Variants in ZNF28 observed in about 807,000 individuals in gnomAD.
The protein encoded by ZNF28 is zinc finger protein KOX24.
A neutral mutation model predicts 7.2 loss-of-function variants in ZNF28; 5 were observed. That is an observed-to-expected ratio of 0.70 (90% CI 0.36 to 1.46). ZNF28 has a LOEUF of 1.46. Ranked by LOEUF, ZNF28 falls within the 40% of genes most tolerant of loss-of-function variation. The pLI, the probability that ZNF28 is intolerant of heterozygous loss-of-function variation, is 0.03. For synonymous variants in ZNF28, 288 were observed against 292.4 expected (o/e 0.99, Z 0.15); for missense variants, 879 against 866.6 (o/e 1.01, Z -0.18).
Position 52,810,602 on chromosome 19 carries a change from A to G in ZNF28, c.16-2469T>C. On this transcript the variant is annotated intron_variant, in intron 2 of 3. Coordinates refer to ENST00000457749, the MANE Select transcript of ZNF28 (RefSeq NM_006969.5). ...AGCCCGCTACCGCGCCCGACCACCAACTACAGCAGTTCCTGCTCTCCATTC... is the reference window on the plus strand; with the variant it reads ...AGCCCGCTACCGCGCCCGACCACCAGCTACAGCAGTTCCTGCTCTCCATTC... 4 of 1,524,316 alleles carry G rather than the reference A, an allele frequency of 2.6e-6. No homozygotes were observed. The Admixed American group carries it at 5.0e-5, about 19-fold the overall frequency. 94.4% of individuals were successfully genotyped at this position (1,524,316 alleles called of 1,614,324 possible). A position where few individuals can be genotyped will look rare whatever the true frequency, so the allele number is the denominator to read the frequency against.
In ZNF28 at chr19:52,800,517, TCATTA is replaced by T. The variant is rs2062851641; in HGVS notation, c.1323_1327del (p.Cys441Ter). 1 of 1,613,604 alleles carries T rather than the reference TCATTA, an allele frequency of 6.2e-7. No individual in the cohort carries two copies. Among genetic ancestry groups the T allele is most frequent in the African/African-American group, 1.3e-5 (1 of 74,848 alleles). On this transcript the variant is annotated stop_gained and frameshift_variant, in exon 4 of 4. Transcript: ENST00000457749. LOFTEE classifies it low-confidence loss of function (END_TRUNC). The stretch of plus-strand genomic sequence containing the variant: ...TTGTTGATTAAAAACCTTGCCACAT[TCATTA>T]CACTTGTAAGGCTTCTCTCCAGTGT...
At chr19:52,802,614 T>C (rs80224460) in intron 3 of ZNF28, among the ~76,000 whole-genome samples, 3 of 151,918 alleles carry the variant, frequency 2.0e-5, no homozygotes, top group Admixed American at 6.6e-5. Context: ...GAGGCAAAGA[T>C]TGTGGTGAGT....
chr19:52,811,246 C>T (rs939358116), intron 2 of ZNF28, among the ~76,000 whole-genome samples: 2 of 151,688 alleles, frequency 1.3e-5, no homozygotes, highest in Admixed American at 6.6e-5. Flanking sequence ...TCACTACAAC[C>T]TCCACCTCCC....
intron 2 of ZNF28, chr19:52,810,241 G>T: frequency 8.2e-7 from 1 of 1,220,912 alleles, no homozygotes; most frequent in Non-Finnish European, 1.2e-6. Context: ...AGGAATATGA[G>T]TCTACCTCCA....
chr19:52,802,341 C>T (rs1343002701), intron 3 of ZNF28, among the ~76,000 whole-genome samples: 2 of 151,678 alleles, frequency 1.3e-5, no homozygotes, highest in East Asian at 1.9e-4. Flanking sequence ...GCACTCCAGC[C>T]CAGGTGACAA....
At chr19:52,807,275 T>A (rs1217186362) in intron 3 of ZNF28, among the ~76,000 whole-genome samples, 1 of 152,174 alleles carries the variant, frequency 6.6e-6, no homozygotes, top group Admixed American at 6.5e-5. Flanking sequence ...CCTATGTTTC[T>A]GTAGGAAAGA....
At chr19:52,812,740 A>G (rs2147666464) in intron 2 of ZNF28, among the ~76,000 whole-genome samples, 1 of 115,632 alleles carries the variant, frequency 8.6e-6, no homozygotes. Flanking sequence ...CCCCTCTGCG[A>G]GAAACACCCA....
intron 2 of ZNF28, among the ~76,000 whole-genome samples, chr19:52,813,134 G>T (rs1172247176): frequency 6.7e-6 from 1 of 149,656 alleles, no homozygotes; most frequent in Admixed American, 6.8e-5. Context: ...ACTTTTGCAT[G>T]TATTTAAAAT....
At chr19:52,809,834 C>T (rs985125763) in intron 2 of ZNF28, 19 of 555,638 alleles carry the variant, frequency 3.4e-5, no homozygotes, top group African/African-American at 1.6e-4. Flanking sequence ...GCGGCGGCGG[C>T]GGCGGTGGCG....
rs1028118812 is a variant in ZNF28, at chr19:52,799,935, C to G, written c.1910G>C (p.Cys637Ser). 2 of 1,613,888 alleles carry G rather than the reference C, an allele frequency of 1.2e-6. No individual in the cohort carries two copies. The highest frequency in any genetic ancestry group is 1.7e-6 in the Non-Finnish European group (2 of 1,179,866). Residue 637 changes from cysteine (C) to serine (S), a missense_variant, in exon 4 of 4, where the codon TGT becomes TCT. Around this residue, in one of 2 missense-constraint regions of ZNF28, gnomAD observed 864 missense variants for 830.2 expected, o/e 1.04. Coordinates refer to ENST00000457749, the MANE Select transcript of ZNF28 (RefSeq NM_006969.5). ...RLHTGEKPYK[C>S]NECGKTFSQM... ...ACTGAAGGTCTTGCCACACTCATTA[C>G]ACTTGTAAGGTTTCTCTCCAGTATG... is the stretch of plus-strand genomic sequence containing the variant.
At chr19:52,804,323 T>G (rs935900414) in intron 3 of ZNF28, among the ~76,000 whole-genome samples, 3 of 151,966 alleles carry the variant, frequency 2.0e-5, no homozygotes, top group Non-Finnish European at 4.4e-5. Context: ...TGAGATGGAG[T>G]CATGCTCTAT....
intron 2 of ZNF28, chr19:52,810,633 T>G: frequency 7.3e-7 from 1 of 1,374,130 alleles, no homozygotes; most frequent in Non-Finnish European, 1.0e-6. Context: ...CATTCTACAG[T>G]GGTTTTAACA....
chr19:52,807,337 G>A (rs1166333500), intron 3 of ZNF28, among the ~76,000 whole-genome samples: 1 of 152,186 alleles, frequency 6.6e-6, no homozygotes, highest in Non-Finnish European at 1.5e-5. Context: ...TCCACTGACT[G>A]CCTCATTCTG....
chr19:52,811,939 CGCCTCTGCCCGGCCGCCCCT>C lies in ZNF28; in HGVS notation c.16-3826_16-3807del, dbSNP rs1568657396. 4.0e-4 allele frequency among the ~76,000 whole-genome samples: 30 copies of C among 75,790 alleles called. 5 individuals are homozygous for C. The highest frequency in any genetic ancestry group is 1.8e-3 in the African/African-American group (28 of 15,268). 49.7% of individuals were successfully genotyped at this position (75,790 alleles called of 152,430 possible). A position where few individuals can be genotyped will look rare whatever the true frequency, so the allele number is the denominator to read the frequency against. On this transcript the variant is annotated intron_variant, in intron 2 of 3. Transcript: ENST00000457749. ...GCCGCCCTATCCAGGAGGTGAGGGG[CGCCTCTGCCCGGCCGCCCCT>C]ACTGGGAAGTGAGGAGCCCCTCTGC... is the stretch of plus-strand genomic sequence containing the variant.
At chr19:52,811,677 G>C (rs2063043524) in intron 2 of ZNF28, among the ~76,000 whole-genome samples, 1 of 148,210 alleles carries the variant, frequency 6.7e-6, no homozygotes, top group Admixed American at 6.6e-5. Context: ...TCTGAGAAGT[G>C]AGGAGCCCCT....
chr19:52,805,482 C>T (rs1041739335), intron 3 of ZNF28: 6 of 151,380 alleles, frequency 4.0e-5, no homozygotes, highest in African/African-American at 1.2e-4. Context: ...CAAAACTTAG[C>T]TGGGTGTAGT....
At chr19:52,807,972 T>C (rs761399759) in intron 3 of ZNF28, 35 bp downstream of exon 3, 151 of 1,611,612 alleles carry the variant, frequency 9.4e-5, no homozygotes, top group Non-Finnish European at 8.3e-5. Context: ...AATACAAAGA[T>C]ACACAAGGGC....
Position 52,800,984 on chromosome 19 carries a change from G to C in ZNF28, c.861C>G (p.Phe287Leu). Residue 287 changes from phenylalanine (F) to leucine (L), a missense_variant, in exon 4 of 4, where the codon TTC becomes TTG. Physicochemically the swap from Phe to Leu is conservative, Grantham distance 22 (BLOSUM62 0). Transcript: ENST00000457749. The stretch of plus-strand genomic sequence containing the variant: ...CTGCAGTATGAAGCGCCTTGTGAAG[G>C]AAGAGGGATGTATTGTGACCAAAGA... ...GKIFGHNTSL[F>L]LHKALHTADK... 2 of 1,613,966 alleles carry C rather than the reference G, an allele frequency of 1.2e-6. No individual in the cohort carries two copies. Among genetic ancestry groups the C allele is most frequent in the Non-Finnish European group, 8.5e-7 (1 of 1,179,976 alleles).
intron 2 of ZNF28, chr19:52,810,336 G>A (rs973684814): frequency 1.9e-5 from 31 of 1,601,610 alleles, no homozygotes; most frequent in Middle Eastern, 2.1e-4. Context: ...TGTGGACTGC[G>A]GTGCAACAGC....
Sources: allele counts gnomAD v4.1 joint callset (sites outside exome capture counted in the v4.1 genomes callset), GRCh38; gene constraint gnomAD v4.1.1; regional missense constraint gnomAD v4.1.1; transcripts MANE v1.5; gene names NCBI Gene and HGNC (gene_info 2026-07-23, HGNC 2026-07-21).